The following ASCC3 variants were observed in gnomAD, a reference collection of about 807,000 sequenced individuals.
ASCC3 encodes ASC-1 complex subunit P200.
ASCC3 carries 158 observed loss-of-function variants against 256.3 expected under a neutral mutation model. The ratio of observed to expected loss-of-function variants is 0.62; its 90% CI spans 0.54 to 0.70. The LOEUF (loss-of-function observed/expected upper bound fraction) is 0.70, where lower values mean the gene tolerates loss of function less well. Among genes scored for constraint, ASCC3 ranks in the 30% least tolerant of loss-of-function variants. The pLI is 0.00. For missense variants in ASCC3, 2,259 were observed against 2,626.0 expected (o/e 0.86, Z 3.05); for synonymous variants, 948 against 883.4 (o/e 1.07, Z -1.30).
At chr6:100,725,844 A>G (rs1779595637) in intron 10 of ASCC3, 141 bp from the exon 11 acceptor site, 2 of 812,676 alleles carry the variant, frequency 2.5e-6, no homozygotes, top group Admixed American at 4.5e-5. Context: ...ATTACATCTA[A>G]TTTACTATAG....
chr6:100,718,366 G>A, intron 11 of ASCC3, 115 bp from the exon 12 acceptor site: 1 of 768,788 alleles, frequency 1.3e-6, no homozygotes, highest in Non-Finnish European at 2.0e-6. Flanking sequence ...TGAGTGTAGA[G>A]GTCAATTGAG....
chr6:100,535,283 A>G (rs1775104107), intron 37 of ASCC3, among the ~76,000 whole-genome samples: 1 of 152,156 alleles, frequency 6.6e-6, no homozygotes, highest in South Asian at 2.1e-4. Flanking sequence ...TAAGGCCAAT[A>G]GTACCCATGT....
intron 3 of ASCC3, among the ~76,000 whole-genome samples, chr6:100,850,150 C>T (rs2114509276): frequency 6.9e-6 from 1 of 145,510 alleles, no homozygotes; most frequent in African/African-American, 2.5e-5. Flanking sequence ...TATCATTATT[C>T]ACAAATCTTC....
intron 36 of ASCC3, among the ~76,000 whole-genome samples, chr6:100,582,282 T>C (rs1322885116): frequency 6.6e-6 from 1 of 152,168 alleles, no homozygotes; most frequent in Admixed American, 6.5e-5. Context: ...TTTGTAGTTC[T>C]CCTTGAAAAG....
chr6:100,743,463 C>T (rs1042015882), intron 10 of ASCC3, among the ~76,000 whole-genome samples: 2 of 152,034 alleles, frequency 1.3e-5, no homozygotes, highest in Non-Finnish European at 2.9e-5. Context: ...CCCCTTCAAT[C>T]CTCAGTCTTC....
chr6:100,518,902 T>A (rs1242710427), intron 37 of ASCC3, among the ~76,000 whole-genome samples: 1 of 152,150 alleles, frequency 6.6e-6, no homozygotes, highest in Non-Finnish European at 1.5e-5. Context: ...AGCTATTTTA[T>A]ACAGTTTTAG....
At chr6:100,648,766 T>C (rs564184619) in intron 20 of ASCC3, among the ~76,000 whole-genome samples, 7 of 151,980 alleles carry the variant, frequency 4.6e-5, no homozygotes, top group Non-Finnish European at 1.0e-4. Flanking sequence ...TGAAAGTATG[T>C]CATTTTAATA....
intron 36 of ASCC3, among the ~76,000 whole-genome samples, chr6:100,568,364 G>A (rs1165210143): frequency 6.9e-6 from 1 of 144,944 alleles, no homozygotes. Context: ...TGAGACTCTT[G>A]TCTGAAAAAA....
At chr6:100,874,493 A>G (rs1270094044) in intron 1 of ASCC3, among the ~76,000 whole-genome samples, 1 of 146,588 alleles carries the variant, frequency 6.8e-6, no homozygotes, top group Non-Finnish European at 1.5e-5. Flanking sequence ...AAAACAACTC[A>G]TTGTATTTTG....
intron 8 of ASCC3, among the ~76,000 whole-genome samples, chr6:100,788,559 T>A (rs1769198581): frequency 6.6e-6 from 1 of 151,718 alleles, no homozygotes; most frequent in South Asian, 2.1e-4. Flanking sequence ...AAGCTAAAAG[T>A]ACTTCAAATG....
chr6:100,537,601 ATT>A (rs2114657444), intron 37 of ASCC3, among the ~76,000 whole-genome samples: 1 of 152,256 alleles, frequency 6.6e-6, no homozygotes, highest in South Asian at 2.1e-4. Flanking sequence ...TCATTGTAGT[ATT>A]TTACAAACTT....
chr6:100,607,073 C>T lies in ASCC3; in HGVS notation c.4801G>A (p.Ala1601Thr). 6.2e-7 allele frequency: 1 copy of T among 1,613,508 alleles called. No homozygotes were observed. The highest frequency in any genetic ancestry group is 8.5e-7 in the Non-Finnish European group (1 of 1,179,720). Reference sequence around the variant, plus strand: ...TTGAGGTTGGAATCTCTTACTGTTGCAATGATGTTCTCCATCTGCAAGTAA... The same window carrying T: ...TTGAGGTTGGAATCTCTTACTGTTGTAATGATGTTCTCCATCTGCAAGTAA... ...MDEREMENII[A>T]TVRDSNLKLT... Residue 1601 changes from alanine (A) to threonine (T), a missense_variant, in exon 31 of 42, where the codon GCA (alanine) becomes ACA (threonine). By Grantham distance (58) the Ala-to-Thr change is moderately conservative. Coordinates refer to ENST00000369162, the MANE Select transcript of ASCC3 (RefSeq NM_006828.4).
chr6:100,522,151 A>C (rs1349641862), intron 37 of ASCC3, among the ~76,000 whole-genome samples: 2 of 152,010 alleles, frequency 1.3e-5, no homozygotes, highest in Non-Finnish European at 2.9e-5. Context: ...TCTACTTGAC[A>C]CTCTATCTAC....
chr6:100,654,336 G>A (rs947577303), intron 17 of ASCC3, among the ~76,000 whole-genome samples: 1 of 149,608 alleles, frequency 6.7e-6, no homozygotes, highest in Admixed American at 6.7e-5. Context: ...ATTTTCTGAC[G>A]TATAAAGGTA....
At chr6:100,560,063 T>C (rs1166935360) in intron 36 of ASCC3, among the ~76,000 whole-genome samples, 1 of 152,116 alleles carries the variant, frequency 6.6e-6, no homozygotes, top group Non-Finnish European at 1.5e-5. Flanking sequence ...ATGACACCTG[T>C]CAATCAAATA....
chr6:100,835,445 T>C (rs899519356), intron 4 of ASCC3, among the ~76,000 whole-genome samples: 2 of 152,112 alleles, frequency 1.3e-5, no homozygotes, highest in African/African-American at 4.8e-5. Flanking sequence ...TTGAGTTGAT[T>C]TTTGTACATT....
chr6:100,575,109 T>C (rs1009893964), intron 36 of ASCC3, among the ~76,000 whole-genome samples: 3 of 152,014 alleles, frequency 2.0e-5, no homozygotes, highest in Admixed American at 1.3e-4. Context: ...GATCCTGTGA[T>C]TGTCAGGAGG....
intron 12 of ASCC3, 27 bp from the exon 13 acceptor site, chr6:100,715,560 AT>A (rs780288965): frequency 8.3e-6 from 13 of 1,573,460 alleles, no homozygotes; most frequent in South Asian, 3.4e-5. Context: ...CATAAAAAAA[AT>A]CATGTGAAAC....
intron 14 of ASCC3, among the ~76,000 whole-genome samples, chr6:100,673,826 T>C (rs1189474450): frequency 1.3e-5 from 2 of 152,194 alleles, no homozygotes; most frequent in African/African-American, 2.4e-5. Flanking sequence ...AAGTCTTCCA[T>C]TGTCTGACCA....
Sources: allele counts gnomAD v4.1 joint callset (sites outside exome capture counted in the v4.1 genomes callset), GRCh38; gene constraint gnomAD v4.1.1; transcripts MANE v1.5; gene names NCBI Gene and HGNC (gene_info 2026-07-23, HGNC 2026-07-21).